Variants in JAKMIP2 observed in about 807,000 individuals in gnomAD.
JAKMIP2 encodes the protein janus kinase and microtubule interacting protein 2.
In JAKMIP2, 25 loss-of-function variants were observed where a neutral mutation model predicts 115.0. The observed-to-expected ratio is 0.22, with a 90% CI of 0.16 to 0.30. The LOEUF (loss-of-function observed/expected upper bound fraction) is 0.30, where lower values mean the gene tolerates loss of function less well. JAKMIP2 is among the 10% of genes least tolerant of loss of function. The pLI is 1.00. For synonymous variants in JAKMIP2, 334 were observed against 343.6 expected (o/e 0.97, Z 0.31); for missense variants, 642 against 957.6 (o/e 0.67, Z 4.35).
intron 4 of JAKMIP2, among the ~76,000 whole-genome samples, chr5:147,649,358 C>G (rs1758281825): frequency 6.6e-6 from 1 of 152,124 alleles, no homozygotes; most frequent in East Asian, 1.9e-4. Flanking sequence ...TGCCAGACAC[C>G]ATGCTCAACA....
At chr5:147,708,052 A>G (rs1457024562) in intron 1 of JAKMIP2, among the ~76,000 whole-genome samples, 1 of 152,210 alleles carries the variant, frequency 6.6e-6, no homozygotes, top group African/African-American at 2.4e-5. Flanking sequence ...TTTCTAAAAG[A>G]TATCCTTAGG....
chr5:147,712,674 G>A (rs1752827973), intron 1 of JAKMIP2, among the ~76,000 whole-genome samples: 1 of 152,030 alleles, frequency 6.6e-6, no homozygotes, highest in East Asian at 1.9e-4. Context: ...TTAAAACTAG[G>A]AATTGGATGT....
intron 1 of JAKMIP2, among the ~76,000 whole-genome samples, chr5:147,727,655 T>C (rs1254779605): frequency 1.3e-5 from 2 of 152,166 alleles, no homozygotes; most frequent in Admixed American, 1.3e-4. Context: ...GGTGGCAACA[T>C]AGAGCCAAAA....
chr5:147,695,482 G>A (rs986995415), intron 1 of JAKMIP2, among the ~76,000 whole-genome samples: 2 of 152,126 alleles, frequency 1.3e-5, no homozygotes, highest in Non-Finnish European at 2.9e-5. Flanking sequence ...AGATGAATAG[G>A]ATTCCTCCTT....
chr5:147,664,110 T>G (rs1283718418), intron 2 of JAKMIP2, among the ~76,000 whole-genome samples: 1 of 152,256 alleles, frequency 6.6e-6, no homozygotes, highest in Admixed American at 6.5e-5. Context: ...TTCTTTTTAC[T>G]GTTTAAAATT....
intron 1 of JAKMIP2, among the ~76,000 whole-genome samples, chr5:147,760,982 T>G (rs1341895014): frequency 6.6e-6 from 1 of 152,114 alleles, no homozygotes; most frequent in Non-Finnish European, 1.5e-5. Flanking sequence ...GACACATTAA[T>G]TCTATGACCT....
intron 12 of JAKMIP2, among the ~76,000 whole-genome samples, chr5:147,633,804 C>T (rs1757480163): frequency 6.6e-6 from 1 of 151,846 alleles, no homozygotes; most frequent in South Asian, 2.1e-4. Context: ...ATTCCCTTGC[C>T]TCAGCCTCTC....
intron 2 of JAKMIP2, among the ~76,000 whole-genome samples, chr5:147,666,784 A>G (rs78045815): frequency 0.033 from 4,980 of 152,222 alleles, 292 homozygotes; most frequent in African/African-American, 0.11. Context: ...GAAAACTGGG[A>G]TTGTCGATAT....
intron 16 of JAKMIP2, among the ~76,000 whole-genome samples, chr5:147,628,078 C>A (rs907673819): frequency 5.9e-5 from 9 of 151,702 alleles, no homozygotes; most frequent in African/African-American, 2.2e-4. Context: ...TGGTTACTCA[C>A]AGGCATGATC....
At chr5:147,677,209 G>A (rs1287553983) in intron 1 of JAKMIP2, among the ~76,000 whole-genome samples, 1 of 152,130 alleles carries the variant, frequency 6.6e-6, no homozygotes. Flanking sequence ...TAAACAAACG[G>A]ATGTAAGTGA....
Position 147,631,661 on chromosome 5 carries a change from T to A in JAKMIP2, c.1777-150A>T, listed in dbSNP as rs1435556347. ...CAATCTCAAGATGTTCATGATTAAATGTGACGGAAAAAGCTGACTAGTCAA... is the reference window on the plus strand; with the variant it reads ...CAATCTCAAGATGTTCATGATTAAAAGTGACGGAAAAAGCTGACTAGTCAA... On this transcript the variant is annotated intron_variant, in intron 13 of 21. Coordinates refer to ENST00000616793, the MANE Select transcript of JAKMIP2 (RefSeq NM_001270941.2). 41 of 549,876 alleles carry A rather than the reference T, an allele frequency of 7.5e-5. No individual in the cohort carries two copies. The South Asian group carries it at 1.0e-3, about 14-fold the overall frequency. The allele number at this position is 549,876 out of a possible 1,614,324, so 34.1% of individuals were successfully genotyped here.
chr5:147,750,674 C>G (rs751965143), intron 1 of JAKMIP2, among the ~76,000 whole-genome samples: 1 of 151,804 alleles, frequency 6.6e-6, no homozygotes, highest in Non-Finnish European at 1.5e-5. Flanking sequence ...AAAATTTATA[C>G]GTTGAAGCCT....
At chr5:147,680,753 A>C (rs943288921) in intron 1 of JAKMIP2, among the ~76,000 whole-genome samples, 2 of 152,174 alleles carry the variant, frequency 1.3e-5, no homozygotes, top group Non-Finnish European at 2.9e-5. Flanking sequence ...TGTATTCATA[A>C]ATTTGACCCA....
intron 1 of JAKMIP2, among the ~76,000 whole-genome samples, chr5:147,701,110 A>G (rs1279969074): frequency 1.3e-5 from 2 of 152,196 alleles, no homozygotes; most frequent in African/African-American, 4.8e-5. Flanking sequence ...GACCAATGCC[A>G]TAAAGGAAAA....
In JAKMIP2 at chr5:147,589,039, A is replaced by G. The variant is rs894440639; in HGVS notation, c.*2668T>C. On this transcript the variant is annotated 3_prime_UTR_variant, in exon 22 of 22. Transcript: ENST00000616793. ...AATTTATCCTCTTCCATATTTTCTG[A>G]CTCAAGTTGGCTAGTGTTGGGTCAC... 3 of 151,738 alleles carry G rather than the reference A, an allele frequency of 2.0e-5. No individual in the cohort carries two copies. Among genetic ancestry groups the G allele is most frequent in the African/African-American group, 4.8e-5 (2 of 41,246 alleles). The allele number at this position is 151,738 out of a possible 1,614,324, so 9.4% of individuals were successfully genotyped here.
chr5:147,668,464 A>T (rs1249848704), intron 2 of JAKMIP2, among the ~76,000 whole-genome samples: 3 of 152,192 alleles, frequency 2.0e-5, no homozygotes, highest in Non-Finnish European at 4.4e-5. Flanking sequence ...TTCTCTACCC[A>T]AGCCTGGAGT....
intron 1 of JAKMIP2, among the ~76,000 whole-genome samples, chr5:147,759,275 GAGAAAAA>G (rs1325562858): frequency 2.6e-5 from 4 of 151,744 alleles, no homozygotes; most frequent in Non-Finnish European, 4.4e-5. Flanking sequence ...GGGGAGCAGA[GAGAAAAA>G]AGAAAAAAGA....
At chr5:147,768,891 T>G (rs1031046917) in intron 1 of JAKMIP2, among the ~76,000 whole-genome samples, 6 of 151,940 alleles carry the variant, frequency 3.9e-5, no homozygotes, top group Non-Finnish European at 7.4e-5. Context: ...ACTTTTTTGT[T>G]TATAGACTTG....
At chr5:147,770,662 G>A (rs565323945) in intron 1 of JAKMIP2, among the ~76,000 whole-genome samples, 4 of 152,160 alleles carry the variant, frequency 2.6e-5, no homozygotes, top group African/African-American at 9.6e-5. Context: ...GATTTATCCA[G>A]AGGTGAAATT....
Sources: allele counts gnomAD v4.1 joint callset (sites outside exome capture counted in the v4.1 genomes callset), GRCh38; gene constraint gnomAD v4.1.1; transcripts MANE v1.5; gene names NCBI Gene and HGNC (gene_info 2026-07-23, HGNC 2026-07-21).